The following GRIN2A variants were observed in gnomAD, a reference collection of about 807,000 sequenced individuals.
The protein encoded by GRIN2A is glutamate receptor ionotropic, NMDA 2A.
A neutral mutation model predicts 113.4 loss-of-function variants in GRIN2A; 22 were observed. The observed-to-expected ratio is 0.19, with a 90% CI of 0.14 to 0.28. The LOEUF is 0.28. GRIN2A is among the 10% of genes least tolerant of loss of function. The probability of loss-of-function intolerance (pLI) is 1.00; values close to 1 mark genes in which losing one functional copy is unlikely to be tolerated. For missense variants in GRIN2A, 1,502 were observed against 1,887.0 expected (o/e 0.80, Z 3.78); for synonymous variants, 827 against 738.4 (o/e 1.12, Z -1.94).
In GRIN2A at chr16:9,763,209, TA is replaced by T; in HGVS notation, c.4334del (p.Leu1445Ter). The T allele has an allele frequency of 6.2e-7, 1 of 1,614,052 alleles. No individual in the cohort carries two copies. Among genetic ancestry groups the T allele is most frequent in the Non-Finnish European group, 8.5e-7 (1 of 1,179,900 alleles). ...KNNMYSTPRV[L>X]NSCSNRRVYK... is the part of the protein sequence containing the mutation. ...ACACGCGTCTATTGCTGCAGGAATT[TA>T]AAACCCTGGGGGTAGAGTACATATT... On this transcript the variant is annotated frameshift_variant, in exon 13 of 13. Transcript: ENST00000330684. LOFTEE classifies it high-confidence loss of function.
chr16:10,120,514 A>G (rs1415845371), intron 2 of GRIN2A, among the ~76,000 whole-genome samples: 1 of 152,098 alleles, frequency 6.6e-6, no homozygotes, highest in African/African-American at 2.4e-5. Context: ...CTCATTCATG[A>G]AACAGTTTTC....
intron 11 of GRIN2A, among the ~76,000 whole-genome samples, chr16:9,793,070 A>C (rs1902719226): frequency 6.6e-6 from 1 of 152,154 alleles, no homozygotes; most frequent in South Asian, 2.1e-4. Context: ...GCTCATGGTA[A>C]AGCTGAATGA....
intron 2 of GRIN2A, chr16:10,112,411 C>A: frequency 2.8e-6 from 2 of 720,574 alleles, no homozygotes; most frequent in South Asian, 1.5e-5. Context: ...CCCCAGGGCA[C>A]TGCTGTGTAC....
Position 10,046,659 on chromosome 16 carries a change from C to T in GRIN2A, c.415-108108G>A, listed in dbSNP as rs1427959607. ...TGAGCAGCAGCTACACACACACACACAGCTCTTAATTTCCTTCATTTCTTC... is the reference window on the plus strand; with the variant it reads ...TGAGCAGCAGCTACACACACACACATAGCTCTTAATTTCCTTCATTTCTTC... On this transcript the variant is annotated intron_variant, in intron 2 of 12. Transcript: ENST00000330684. Among the ~76,000 whole-genome samples, 3 of 152,276 alleles carry T rather than the reference C, an allele frequency of 2.0e-5. No individual in the cohort carries two copies. The East Asian group carries it at 5.8e-4, about 29-fold the overall frequency.
At chr16:9,844,506 G>A (rs1596488213) in intron 5 of GRIN2A, among the ~76,000 whole-genome samples, 1 of 152,186 alleles carries the variant, frequency 6.6e-6, no homozygotes, top group Non-Finnish European at 1.5e-5. Flanking sequence ...TACACAGACT[G>A]AGAAATGGTC....
intron 2 of GRIN2A, among the ~76,000 whole-genome samples, chr16:10,175,402 AG>A (rs2050122235): frequency 6.6e-6 from 1 of 152,236 alleles, no homozygotes; most frequent in Admixed American, 6.5e-5. Context: ...AAGCACAATA[AG>A]AAAAACCATA....
At chr16:9,941,542 C>T (rs1021211408) in intron 2 of GRIN2A, among the ~76,000 whole-genome samples, 1 of 152,152 alleles carries the variant, frequency 6.6e-6, no homozygotes, top group African/African-American at 2.4e-5. Flanking sequence ...AACTTCAGCC[C>T]AAGCTGAATC....
intron 5 of GRIN2A, among the ~76,000 whole-genome samples, chr16:9,843,917 G>C (rs1231859610): frequency 6.6e-6 from 1 of 152,234 alleles, no homozygotes; most frequent in African/African-American, 2.4e-5. Flanking sequence ...GTACATTAAA[G>C]TTGATGGAAT....
chr16:10,110,167 G>A (rs1246063782), intron 2 of GRIN2A, among the ~76,000 whole-genome samples: 3 of 151,874 alleles, frequency 2.0e-5, no homozygotes, highest in East Asian at 1.9e-4. Flanking sequence ...CCTGTCAAGT[G>A]AAGAACAACA....
chr16:9,950,264 G>C (rs963080799), intron 2 of GRIN2A, among the ~76,000 whole-genome samples: 1 of 152,096 alleles, frequency 6.6e-6, no homozygotes, highest in African/African-American at 2.4e-5. Flanking sequence ...CCACTCCCAA[G>C]CCCCTTTATG....
At chr16:9,831,610 G>A (rs1416531328) in intron 8 of GRIN2A, among the ~76,000 whole-genome samples, 2 of 151,084 alleles carry the variant, frequency 1.3e-5, no homozygotes, top group African/African-American at 2.4e-5. Context: ...CCACTTCCCG[G>A]GTTCAAGGGA....
Position 9,756,979 on chromosome 16 carries a change from C to T in GRIN2A, c.*6170G>A, listed in dbSNP as rs1355279575. On this transcript the variant is annotated 3_prime_UTR_variant, in exon 13 of 13. Transcript: ENST00000330684. ...TAAAGAATTTTCCCTCTATGCTTCC[C>T]TGATACATTCATACCCTGGTGTATC... The T allele has an allele frequency of 5.1e-6, 1 of 194,496 alleles. No homozygotes were observed. The highest frequency in any genetic ancestry group is 1.1e-5 in the Non-Finnish European group (1 of 93,422). The allele number at this position is 194,496 out of a possible 1,614,324, so 12.0% of individuals were successfully genotyped here.
At chr16:10,154,154 C>T (rs1169188188) in intron 2 of GRIN2A, among the ~76,000 whole-genome samples, 2 of 152,176 alleles carry the variant, frequency 1.3e-5, no homozygotes, top group African/African-American at 2.4e-5. Flanking sequence ...GCGTATGACT[C>T]ACCACATCCC....
chr16:9,788,269 T>C (rs1444178194), intron 11 of GRIN2A, among the ~76,000 whole-genome samples: 1 of 152,098 alleles, frequency 6.6e-6, no homozygotes, highest in Non-Finnish European at 1.5e-5. Context: ...TTTTTTCTTT[T>C]TTTTTGGGAT....
At chr16:10,174,261 C>A (rs2050101800) in intron 2 of GRIN2A, among the ~76,000 whole-genome samples, 1 of 152,120 alleles carries the variant, frequency 6.6e-6, no homozygotes, top group Admixed American at 6.5e-5. Flanking sequence ...TGTCAAGGAG[C>A]CAAAATGAAG....
chr16:9,968,132 G>A (rs964724029), intron 2 of GRIN2A, among the ~76,000 whole-genome samples: 1 of 152,132 alleles, frequency 6.6e-6, no homozygotes, highest in Non-Finnish European at 1.5e-5. Flanking sequence ...GGCTGAAAGA[G>A]GTTGAAAATA....
At chr16:9,850,095 C>T in intron 4 of GRIN2A, 134 bp from the exon 5 acceptor site, 3 of 765,958 alleles carry the variant, frequency 3.9e-6, no homozygotes, top group Middle Eastern at 3.5e-4. Flanking sequence ...TATGCATCTA[C>T]TTCTGTGCTA....
chr16:10,115,603 A>C (rs2048716076), intron 2 of GRIN2A, among the ~76,000 whole-genome samples: 1 of 152,224 alleles, frequency 6.6e-6, no homozygotes, highest in Non-Finnish European at 1.5e-5. Flanking sequence ...TGCCCAAGGC[A>C]ACAGCACCTG....
chr16:10,118,276 C>T (rs2048767156), intron 2 of GRIN2A, among the ~76,000 whole-genome samples: 1 of 152,106 alleles, frequency 6.6e-6, no homozygotes, highest in Non-Finnish European at 1.5e-5. Context: ...ATAAATGTTC[C>T]TGTTTGGCTT....
Sources: allele counts gnomAD v4.1 joint callset (sites outside exome capture counted in the v4.1 genomes callset), GRCh38; gene constraint gnomAD v4.1.1; transcripts MANE v1.5; gene names NCBI Gene and HGNC (gene_info 2026-07-23, HGNC 2026-07-21).